GMDS: variants seen among roughly 807,000 people sequenced by gnomAD.
GMDS encodes GDP-mannose 4,6-dehydratase.
A neutral mutation model predicts 49.9 loss-of-function variants in GMDS; 20 were observed. The ratio of observed to expected loss-of-function variants is 0.40; its 90% CI spans 0.28 to 0.58. GMDS has a LOEUF of 0.58. Ranked by LOEUF, GMDS falls within the 20% of genes least tolerant of loss-of-function variation. GMDS has a pLI of 0.42. For missense variants in GMDS, 362 were observed against 481.4 expected, an observed-to-expected ratio of 0.75 and a Z score of 2.32; for synonymous variants, 177 against 178.6, an observed-to-expected ratio of 0.99 and a Z score of 0.07.
rs1307013323 is a variant in GMDS at position 1,836,600 on chromosome 6, C to T, written c.771+93503G>A. Reference sequence around the variant, plus strand: ...GACATCTACTAACTACATCAGTTTGCAGAAAAATATTCTTACGAAAATAGT... The same window carrying T: ...GACATCTACTAACTACATCAGTTTGTAGAAAAATATTCTTACGAAAATAGT... On this transcript the variant is annotated intron_variant, in intron 7 of 10. Transcript: ENST00000380815. The surrounding 1 kb of genome is among the most constrained non-coding windows in gnomAD (Gnocchi z 4.2). 6.6e-6 allele frequency among the ~76,000 whole-genome samples: 1 copy of T among 152,206 alleles called. No homozygotes were observed. The highest frequency in any genetic ancestry group is 2.4e-5 in the African/African-American group (1 of 41,458).
At chr6:1,915,405 A>G (rs1461111857) in intron 7 of GMDS, among the ~76,000 whole-genome samples, 1 of 152,170 alleles carries the variant, frequency 6.6e-6, no homozygotes, top group Non-Finnish European at 1.5e-5. Flanking sequence ...CTGAGTGCTG[A>G]GCCTGAGCAG....
chr6:1,977,821 A>G (rs1415569996), intron 4 of GMDS, among the ~76,000 whole-genome samples: 1 of 152,188 alleles, frequency 6.6e-6, no homozygotes, highest in Non-Finnish European at 1.5e-5. Flanking sequence ...AGCTGTGTGG[A>G]GTCTTGGCAG....
In GMDS at chr6:2,209,570, TACACACACACACAC is replaced by T. The variant is rs61216869; in HGVS notation, c.102+35737_102+35750del. On this transcript the variant is annotated intron_variant, in intron 1 of 10. Coordinates refer to ENST00000380815, the MANE Select transcript of GMDS (RefSeq NM_001500.4). ...TAATACACATACATACACATACACATACACACACACACACACACACACACACACACACACGTTCT... is the reference window on the plus strand; with the variant it reads ...TAATACACATACATACACATACACATACACACACACACACACACACGTTCT... Among the ~76,000 whole-genome samples, 9 of 135,880 alleles carry T rather than the reference TACACACACACACAC, an allele frequency of 6.6e-5. No homozygotes were observed. In the South Asian group the frequency reaches 1.6e-3, roughly 25 times the overall value. The allele number at this position is 135,880 out of a possible 152,430, so 89.1% of individuals were successfully genotyped here.
At chr6:1,908,190 G>A (rs1462923966) in intron 7 of GMDS, among the ~76,000 whole-genome samples, 1 of 152,198 alleles carries the variant, frequency 6.6e-6, no homozygotes, top group East Asian at 1.9e-4. Flanking sequence ...AATGGTTCAC[G>A]TCCGGGCAGA....
At chr6:1,874,924 A>G (rs1389861719) in intron 7 of GMDS, among the ~76,000 whole-genome samples, 1 of 152,226 alleles carries the variant, frequency 6.6e-6, no homozygotes, top group Non-Finnish European at 1.5e-5. Context: ...AAAAAACCCC[A>G]ATGTTTGGAA....
intron 4 of GMDS, among the ~76,000 whole-genome samples, chr6:2,012,191 C>T (rs929124654): frequency 2.0e-5 from 3 of 152,078 alleles, no homozygotes; most frequent in South Asian, 4.2e-4. Flanking sequence ...ACACTAAAAA[C>T]CCAGATTTCG....
At chr6:1,802,905 C>G (rs1770006852) in intron 7 of GMDS, among the ~76,000 whole-genome samples, 1 of 152,198 alleles carries the variant, frequency 6.6e-6, no homozygotes, top group East Asian at 1.9e-4. Flanking sequence ...TGTGCTCCAG[C>G]TGGCTCAAAG....
chr6:2,239,116 G>A (rs369626120), intron 1 of GMDS, among the ~76,000 whole-genome samples: 157 of 152,236 alleles, frequency 1.0e-3, no homozygotes, highest in African/African-American at 3.7e-3. Context: ...ATGACTTGAG[G>A]CCAAGAGTTC....
intron 9 of GMDS, among the ~76,000 whole-genome samples, chr6:1,685,277 T>C (rs573113309): frequency 6.6e-6 from 1 of 152,198 alleles, no homozygotes; most frequent in South Asian, 2.1e-4. Context: ...GGTACATGCC[T>C]GTAATCCAAG....
chr6:1,923,487 A>G (rs2113909074), intron 7 of GMDS, among the ~76,000 whole-genome samples: 1 of 152,294 alleles, frequency 6.6e-6, no homozygotes, highest in East Asian at 1.9e-4. Flanking sequence ...CAACACTCAC[A>G]CGAAGATTGC....
At chr6:2,056,907 T>A (rs991727612) in intron 4 of GMDS, among the ~76,000 whole-genome samples, 1 of 152,186 alleles carries the variant, frequency 6.6e-6, no homozygotes, top group African/African-American at 2.4e-5. Context: ...TTATATTTTT[T>A]AAAATAAAAA....
intron 7 of GMDS, among the ~76,000 whole-genome samples, chr6:1,757,320 T>C (rs1053490570): frequency 6.6e-6 from 1 of 152,160 alleles, no homozygotes; most frequent in African/African-American, 2.4e-5. Flanking sequence ...TTCCCAGAAG[T>C]GGTTGTTTCC....
chr6:1,845,482 G>A (rs77196778), intron 7 of GMDS, among the ~76,000 whole-genome samples: 2,638 of 152,092 alleles, frequency 0.017, 119 homozygotes, highest in East Asian at 0.17. Context: ...ACCACTTCAC[G>A]GCTTATAAAC....
At chr6:1,763,302 T>G (rs1282321013) in intron 7 of GMDS, among the ~76,000 whole-genome samples, 1 of 152,176 alleles carries the variant, frequency 6.6e-6, no homozygotes, top group Non-Finnish European at 1.5e-5. Context: ...AAAGAACAAA[T>G]TCAGTTCTGA....
intron 7 of GMDS, among the ~76,000 whole-genome samples, chr6:1,835,177 G>T (rs1271004137): frequency 6.6e-6 from 1 of 152,182 alleles, no homozygotes; most frequent in East Asian, 1.9e-4. Context: ...GTCTGTCAGG[G>T]AAGTTTTCCT....
intron 7 of GMDS, among the ~76,000 whole-genome samples, chr6:1,907,971 T>C (rs2113870890): frequency 6.6e-6 from 1 of 152,240 alleles, no homozygotes; most frequent in East Asian, 1.9e-4. Context: ...TTAGACACAG[T>C]AAGAGCTTAA....
chr6:1,975,616 T>G (rs1377714719), intron 4 of GMDS, among the ~76,000 whole-genome samples: 3 of 152,222 alleles, frequency 2.0e-5, no homozygotes, highest in African/African-American at 7.2e-5. Context: ...GAAAATCTCC[T>G]AAGGCTCTAA....
intron 7 of GMDS, among the ~76,000 whole-genome samples, chr6:1,894,018 G>A (rs1760023967): frequency 6.6e-6 from 1 of 152,172 alleles, no homozygotes; most frequent in Non-Finnish European, 1.5e-5. Flanking sequence ...AGTTGGGAAA[G>A]TCAATATGCA....
At chr6:1,904,965 AAAG>A (rs774009872) in intron 7 of GMDS, among the ~76,000 whole-genome samples, 1 of 152,240 alleles carries the variant, frequency 6.6e-6, no homozygotes, top group African/African-American at 2.4e-5. Context: ...GTTGCAAAAC[AAAG>A]AAGAGGGGAA....
Sources: allele counts gnomAD v4.1 joint callset (sites outside exome capture counted in the v4.1 genomes callset), GRCh38; gene constraint gnomAD v4.1.1; non-coding constraint Gnocchi (gnomAD v3.1); transcripts MANE v1.5; gene names NCBI Gene and HGNC (gene_info 2026-07-23, HGNC 2026-07-21).